The following MMP20 variants were observed in gnomAD, a reference collection of about 807,000 sequenced individuals.
The protein encoded by MMP20 is matrix metalloproteinase-20.
A neutral mutation model predicts 51.8 loss-of-function variants in MMP20; 50 were observed. The ratio of observed to expected loss-of-function variants is 0.97; its 90% CI spans 0.77 to 1.22. The LOEUF is 1.22. Ranked by LOEUF, MMP20 falls within the 50% of genes most tolerant of loss-of-function variation. The probability of loss-of-function intolerance (pLI) is 0.00; values close to 1 mark genes in which losing one functional copy is unlikely to be tolerated. For missense variants in MMP20, 663 were observed against 601.4 expected (o/e 1.10, Z -1.07); for synonymous variants, 244 against 216.2 (o/e 1.13, Z -1.13).
intron 9 of MMP20, among the ~76,000 whole-genome samples, chr11:102,578,255 C>G (rs1050416021): frequency 4.9e-4 from 74 of 151,994 alleles, no homozygotes; most frequent in African/African-American, 1.6e-3. Context: ...GTAATCCTCC[C>G]ATCTCAGCAT....
At chr11:102,578,229 G>A (rs922532786) in intron 9 of MMP20, among the ~76,000 whole-genome samples, 6 of 151,262 alleles carry the variant, frequency 4.0e-5, no homozygotes, top group South Asian at 2.1e-4. Context: ...CCGCAGCCTC[G>A]ACCTCCTGAG....
At chr11:102,597,604 G>C (rs939484411) in intron 6 of MMP20, among the ~76,000 whole-genome samples, 1 of 152,128 alleles carries the variant, frequency 6.6e-6, no homozygotes, top group Non-Finnish European at 1.5e-5. Flanking sequence ...TAATGCAAAA[G>C]ACAGCTCAAC....
chr11:102,598,089 A>T (rs1859403880), intron 6 of MMP20, among the ~76,000 whole-genome samples: 1 of 152,160 alleles, frequency 6.6e-6, no homozygotes, highest in Non-Finnish European at 1.5e-5. Context: ...TTTCAAAAAG[A>T]ATCTGTAGTC....
intron 6 of MMP20, 150 bp from the exon 7 acceptor site, chr11:102,594,907 T>C (rs1447907805): frequency 1.2e-6 from 1 of 816,390 alleles, no homozygotes; most frequent in Non-Finnish European, 1.7e-6. Flanking sequence ...TTTTCTCTTT[T>C]CTTTTTTTTT....
At chr11:102,608,721 C>G (rs1461587474) in intron 5 of MMP20, among the ~76,000 whole-genome samples, 1 of 152,150 alleles carries the variant, frequency 6.6e-6, no homozygotes, top group Non-Finnish European at 1.5e-5. Flanking sequence ...CTAAGGCTAT[C>G]CAGGACTAAT....
chr11:102,605,724 A>G (rs1859506560), intron 6 of MMP20, among the ~76,000 whole-genome samples: 1 of 152,184 alleles, frequency 6.6e-6, no homozygotes, highest in African/African-American at 2.4e-5. Flanking sequence ...GAAGAAGAAA[A>G]AATAATGCCA....
intron 5 of MMP20, chr11:102,607,377 A>G (rs1859531592): frequency 6.5e-6 from 1 of 154,062 alleles, no homozygotes; most frequent in South Asian, 2.0e-4. Flanking sequence ...CAGCTCCAGA[A>G]GAATGAGCCT....
chr11:102,602,157 A>T (rs1265326492), intron 6 of MMP20, among the ~76,000 whole-genome samples: 1 of 121,408 alleles, frequency 8.2e-6, no homozygotes, highest in Non-Finnish European at 1.7e-5. Flanking sequence ...TTTAGTAGAG[A>T]CGGGGTTTCA....
chr11:102,584,381 G>A (rs1338566896), intron 8 of MMP20, among the ~76,000 whole-genome samples: 1 of 152,124 alleles, frequency 6.6e-6, no homozygotes, highest in Non-Finnish European at 1.5e-5. Context: ...CATGACTATT[G>A]ATGTTGAGCA....
intron 6 of MMP20, among the ~76,000 whole-genome samples, chr11:102,599,124 T>C (rs1460917557): frequency 6.6e-6 from 1 of 151,826 alleles, no homozygotes; most frequent in African/African-American, 2.4e-5. Flanking sequence ...ACGATTCTCC[T>C]GCCTCAGCCT....
intron 1 of MMP20, among the ~76,000 whole-genome samples, chr11:102,619,314 A>G (rs532544583): frequency 5.9e-5 from 9 of 152,160 alleles, no homozygotes; most frequent in Non-Finnish European, 1.0e-4. Flanking sequence ...TTCTCCTGTT[A>G]GGTTATGTAT....
intron 9 of MMP20, among the ~76,000 whole-genome samples, chr11:102,578,565 A>G (rs1343283023): frequency 1.3e-5 from 2 of 152,122 alleles, no homozygotes; most frequent in Admixed American, 1.3e-4. Context: ...GTGAAACTCC[A>G]TCTCCACTAA....
Position 102,606,604 on chromosome 11 carries a change from A to T in MMP20, c.884T>A (p.Leu295His), listed in dbSNP as rs1302231551. 6.2e-7 allele frequency: 1 copy of T among 1,614,068 alleles called. No individual in the cohort carries two copies. Among genetic ancestry groups the T allele is most frequent in the Non-Finnish European group, 8.5e-7 (1 of 1,179,988 alleles). ...GTCAAAGGATGAGCTGGAGTCACAG[A>T]GGTCAGGGATGGATGGCTTGTGATG... ...APHHKPSIPD[L>H]CDSSSSFDAV... Residue 295 changes from leucine to histidine, a missense_variant, in exon 6 of 10, where the codon CTC (leucine) becomes CAC (histidine). By Grantham distance (99) the Leu-to-His change is moderately conservative. Coordinates refer to ENST00000260228, the MANE Select transcript of MMP20 (RefSeq NM_004771.4).
intron 4 of MMP20, among the ~76,000 whole-genome samples, 166 bp downstream of exon 4, chr11:102,609,739 A>AT (rs921371248): frequency 1.3e-5 from 2 of 151,998 alleles, no homozygotes; most frequent in African/African-American, 2.4e-5. Flanking sequence ...TTTGGGGTGG[A>AT]TTTTTTTCCC....
At chr11:102,613,419 G>A (rs1859628487) in intron 2 of MMP20, among the ~76,000 whole-genome samples, 1 of 152,154 alleles carries the variant, frequency 6.6e-6, no homozygotes, top group Admixed American at 6.5e-5. Flanking sequence ...CATAGCAGAT[G>A]CTTAGCAATT....
At chr11:102,583,301 T>G (rs1214678109) in intron 8 of MMP20, among the ~76,000 whole-genome samples, 1 of 152,176 alleles carries the variant, frequency 6.6e-6, no homozygotes, top group African/African-American at 2.4e-5. Flanking sequence ...GCAATAGTTC[T>G]CTCTCTTATT....
At chr11:102,585,903 T>C (rs969513836) in intron 8 of MMP20, among the ~76,000 whole-genome samples, 5 of 152,356 alleles carry the variant, frequency 3.3e-5, no homozygotes, top group Non-Finnish European at 5.9e-5. Flanking sequence ...TCTATTGATA[T>C]GGGACATTAC....
intron 2 of MMP20, among the ~76,000 whole-genome samples, chr11:102,613,923 G>T (rs1859634508): frequency 6.6e-6 from 1 of 152,202 alleles, no homozygotes; most frequent in Non-Finnish European, 1.5e-5. Context: ...ATATCTTTGA[G>T]CTGACTTTGT....
At chr11:102,617,855 T>A (rs1207192986) in intron 1 of MMP20, among the ~76,000 whole-genome samples, 1 of 152,220 alleles carries the variant, frequency 6.6e-6, no homozygotes, top group African/African-American at 2.4e-5. Context: ...GGTTGAGGCC[T>A]GCCTTTGGCT....
Sources: gnomAD v4.1 joint callset for allele counts (sites outside exome capture counted in the v4.1 genomes callset) on GRCh38, gnomAD v4.1.1 for gene constraint, MANE v1.5 for transcripts, NCBI Gene and HGNC (gene_info 2026-07-23, HGNC 2026-07-21) for gene names.